Variants in FARP1 observed in about 807,000 individuals in gnomAD.
FARP1 encodes the protein FERM, ARH/RhoGEF and pleckstrin domain protein 1.
Under a neutral mutation model 128.8 loss-of-function variants are expected in FARP1, and 52 were observed. That is an observed-to-expected ratio of 0.40 (90% confidence interval 0.32 to 0.51). FARP1 has a LOEUF of 0.51. FARP1 is among the 20% of genes least tolerant of loss of function. FARP1 has a pLI of 0.45. For missense variants in FARP1, 1,333 were observed against 1,367.9 expected (o/e 0.97, Z 0.40); for synonymous variants, 580 against 551.8 (o/e 1.05, Z -0.72).
chr13:98,443,890 G>C (rs9513425), intron 24 of FARP1, among the ~76,000 whole-genome samples: 87 of 8,546 alleles, frequency 0.01, no homozygotes, highest in East Asian at 0.05. Context: ...AAGGAGGGAA[G>C]GGACAGTGAG....
intron 2 of FARP1, among the ~76,000 whole-genome samples, chr13:98,337,137 C>T (rs1456698531): frequency 2.0e-5 from 3 of 152,150 alleles, no homozygotes; most frequent in African/African-American, 7.2e-5. Context: ...GAGGCCGAGG[C>T]AGGATGATCA....
chr13:98,256,987 A>ATG (rs1883648122), intron 2 of FARP1, among the ~76,000 whole-genome samples: 9 of 129,924 alleles, frequency 6.9e-5, no homozygotes, highest in African/African-American at 2.7e-4. Flanking sequence ...ATATATATAT[A>ATG]TATACCGAAA....
At chr13:98,387,948 A>G (rs1594476434) in intron 8 of FARP1, among the ~76,000 whole-genome samples, 1 of 152,204 alleles carries the variant, frequency 6.6e-6, no homozygotes, top group African/African-American at 2.4e-5. Flanking sequence ...TCCACGTTGC[A>G]GTTTCCATGT....
intron 24 of FARP1, among the ~76,000 whole-genome samples, chr13:98,442,283 A>G (rs76183376): frequency 1.5e-3 from 223 of 152,346 alleles, no homozygotes; most frequent in Non-Finnish European, 2.2e-3. Flanking sequence ...AGCAGCAGGA[A>G]TGAGCCAGCA....
At chr13:98,370,194 G>T (rs917951511) in intron 5 of FARP1, among the ~76,000 whole-genome samples, 1 of 152,216 alleles carries the variant, frequency 6.6e-6, no homozygotes, top group African/African-American at 2.4e-5. Context: ...TTTACTGAGA[G>T]AGCTTTCTAG....
In FARP1 at chr13:98,213,289, C is replaced by A. The variant is rs755563449; in HGVS notation, c.47C>A (p.Ala16Asp). The change falls in exon 2 of 27, where the codon GCC becomes GAC. Residue 16 changes from alanine to aspartate, a missense_variant. Around this residue, in one of 2 missense-constraint regions of FARP1, gnomAD observed 324 missense variants for 398.1 expected, o/e 0.81. Coordinates refer to ENST00000319562, the MANE Select transcript of FARP1 (RefSeq NM_005766.4). Reference protein sequence around the residue: ...QRPTPGSRLGAPENSGISTLE... With the variant: ...QRPTPGSRLGDPENSGISTLE... ...CCGACCCCAGGATCACGACTGGGGGCCCCGGAAAATTCGGGGATCAGTACC... is the reference window on the plus strand; with the variant it reads ...CCGACCCCAGGATCACGACTGGGGGACCCGGAAAATTCGGGGATCAGTACC... 1.9e-6 allele frequency: 3 copies of A among 1,613,970 alleles called. No individual in the cohort carries two copies. The highest frequency in any genetic ancestry group is 2.5e-6 in the Non-Finnish European group (3 of 1,179,958).
intron 2 of FARP1, among the ~76,000 whole-genome samples, chr13:98,218,498 CTG>C (rs1338587503): frequency 1.3e-5 from 2 of 152,166 alleles, no homozygotes; most frequent in Non-Finnish European, 2.9e-5. Flanking sequence ...CTTTTTGTGA[CTG>C]TATTTGTGAA....
intron 3 of FARP1, among the ~76,000 whole-genome samples, chr13:98,352,959 A>G (rs1217911075): frequency 3.9e-5 from 6 of 152,148 alleles, no homozygotes; most frequent in Non-Finnish European, 8.8e-5. Context: ...TATGTTTGTA[A>G]TGTTTTATTT....
intron 1 of FARP1, among the ~76,000 whole-genome samples, chr13:98,186,661 A>C (rs1425830463): frequency 6.6e-6 from 1 of 151,958 alleles, no homozygotes. Context: ...TTGTTTATCC[A>C]TCTATTTGTT....
intron 4 of FARP1, among the ~76,000 whole-genome samples, chr13:98,366,482 T>G (rs1889090250): frequency 1.3e-5 from 2 of 152,176 alleles, no homozygotes; most frequent in African/African-American, 4.8e-5. Flanking sequence ...CCAGGTAGCA[T>G]AGAGTCTAGG....
intron 17 of FARP1, among the ~76,000 whole-genome samples, chr13:98,429,786 G>T (rs1220868851): frequency 6.6e-6 from 1 of 152,202 alleles, no homozygotes; most frequent in African/African-American, 2.4e-5. Flanking sequence ...TCTAGATCTG[G>T]TGCCGCATTT....
intron 1 of FARP1, among the ~76,000 whole-genome samples, chr13:98,164,407 T>G (rs1233215432): frequency 6.6e-6 from 1 of 152,228 alleles, no homozygotes; most frequent in Non-Finnish European, 1.5e-5. Context: ...TTAGTTCTAG[T>G]TTGAAAGAGT....
chr13:98,441,062 ATATCCC>A (rs1269791025), intron 24 of FARP1, among the ~76,000 whole-genome samples: 1 of 152,154 alleles, frequency 6.6e-6, no homozygotes, highest in Non-Finnish European at 1.5e-5. Context: ...AAATGCAGTC[ATATCCC>A]TTGGTGCTCA....
intron 2 of FARP1, among the ~76,000 whole-genome samples, chr13:98,310,191 C>T (rs541127720): frequency 3.9e-5 from 6 of 152,090 alleles, no homozygotes; most frequent in Non-Finnish European, 8.8e-5. Flanking sequence ...CTTGCCTCCC[C>T]TTCCCGACGG....
intron 2 of FARP1, among the ~76,000 whole-genome samples, chr13:98,247,394 G>T (rs901307717): frequency 6.6e-6 from 1 of 152,152 alleles, no homozygotes; most frequent in African/African-American, 2.4e-5. Context: ...TTCTTTAACT[G>T]CCCTTTAAGA....
chr13:98,313,776 A>G (rs543123852), intron 2 of FARP1, among the ~76,000 whole-genome samples: 1 of 152,198 alleles, frequency 6.6e-6, no homozygotes, highest in Admixed American at 6.5e-5. Flanking sequence ...ATGGCACAAC[A>G]CTGGGAAGGG....
chr13:98,439,284 G>C (rs1892424512), intron 21 of FARP1, 88 bp downstream of exon 21: 1 of 869,762 alleles, frequency 1.1e-6, no homozygotes, highest in African/African-American at 1.7e-5. Flanking sequence ...GAGGGAAGGA[G>C]ACTGGATAGG....
chr13:98,164,155 ATGT>A (rs1363503192), intron 1 of FARP1, among the ~76,000 whole-genome samples: 4 of 152,206 alleles, frequency 2.6e-5, no homozygotes, highest in Admixed American at 2.6e-4. Context: ...ACCTAATAGC[ATGT>A]AAGATTGTGC....
intron 1 of FARP1, among the ~76,000 whole-genome samples, chr13:98,151,244 A>C (rs1423749524): frequency 6.6e-6 from 1 of 152,168 alleles, no homozygotes; most frequent in Non-Finnish European, 1.5e-5. Flanking sequence ...ACTGTGCCTA[A>C]TGCATACATT....
Sources: allele counts gnomAD v4.1 joint callset (sites outside exome capture counted in the v4.1 genomes callset), GRCh38; gene constraint gnomAD v4.1.1; regional missense constraint gnomAD v4.1.1; transcripts MANE v1.5; gene names NCBI Gene and HGNC (gene_info 2026-07-23, HGNC 2026-07-21).